The following CDH13 variants were observed in gnomAD, a reference collection of about 807,000 sequenced individuals.
CDH13 encodes cadherin 13, also known as cadherin-13.
CDH13 carries 24 observed loss-of-function variants against 63.8 expected under a neutral mutation model. The observed-to-expected ratio is 0.38, with a 90% confidence interval of 0.27 to 0.53. CDH13 has a LOEUF of 0.53. Among genes scored for constraint, CDH13 ranks in the 20% least tolerant of loss-of-function variants. CDH13 has a pLI of 0.85. For missense variants in CDH13, 1,049 were observed against 903.1 expected (o/e 1.16, Z -2.07); for synonymous variants, 503 against 355.3 (o/e 1.42, Z -4.67).
intron 3 of CDH13, among the ~76,000 whole-genome samples, chr16:83,104,753 G>T (rs1035724034): frequency 6.6e-6 from 1 of 152,156 alleles, no homozygotes; most frequent in Non-Finnish European, 1.5e-5. Context: ...AATTGACTTT[G>T]GTGGTTAGTG....
chr16:83,353,843 G>T (rs972297092), intron 6 of CDH13, among the ~76,000 whole-genome samples: 10 of 152,076 alleles, frequency 6.6e-5, no homozygotes, highest in African/African-American at 2.4e-4. Context: ...TTACTTCCTT[G>T]TAAAAATAAA....
At chr16:82,877,924 GACACACACAC>G (rs1213536997) in intron 2 of CDH13, among the ~76,000 whole-genome samples, 24 of 129,362 alleles carry the variant, frequency 1.9e-4, no homozygotes, top group African/African-American at 5.9e-4. Context: ...CATACACATA[GACACACACAC>G]ACACACACAC....
intron 4 of CDH13, among the ~76,000 whole-genome samples, chr16:83,176,130 G>A (rs536769575): frequency 1.2e-4 from 18 of 151,692 alleles, no homozygotes; most frequent in Non-Finnish European, 2.2e-4. Flanking sequence ...GATTACAGGC[G>A]TGAGCTACCA....
rs141836139 is a variant in CDH13, at chr16:82,906,717, G to A, written c.157+48244G>A. Among the ~76,000 whole-genome samples, 568 of 152,158 alleles carry A rather than the reference G, an allele frequency of 3.7e-3. 3 individuals are homozygous for A. Among genetic ancestry groups the A allele is most frequent in the African/African-American group, 0.013 (537 of 41,512 alleles). On this transcript the variant is annotated intron_variant, in intron 2 of 13. Transcript: ENST00000567109. ...GTTAGAATTCCATATTCATGGTTTC[G>A]GCAGGGCTGTACTCCCTCCGAAGGC...
At chr16:83,676,324 G>A (rs1296815226) in intron 9 of CDH13, among the ~76,000 whole-genome samples, 2 of 152,168 alleles carry the variant, frequency 1.3e-5, no homozygotes, top group Non-Finnish European at 2.9e-5. Flanking sequence ...GGTGTGGGGT[G>A]GAAATGGCCC....
chr16:83,745,525 G>A (rs1427017365), intron 10 of CDH13, among the ~76,000 whole-genome samples: 2 of 152,208 alleles, frequency 1.3e-5, no homozygotes, highest in Non-Finnish European at 2.9e-5. Context: ...ATGGTGGCCA[G>A]GCGAGGGTGG....
At chr16:83,421,167 TG>T (rs141846217) in intron 6 of CDH13, among the ~76,000 whole-genome samples, 2,680 of 152,228 alleles carry the variant, frequency 0.018, 88 homozygotes, top group African/African-American at 0.061. Context: ...GAGGAGAAAG[TG>T]GCATAAGTCT....
At chr16:83,501,342 G>T (rs967060392) in intron 7 of CDH13, among the ~76,000 whole-genome samples, 1 of 152,132 alleles carries the variant, frequency 6.6e-6, no homozygotes, top group African/African-American at 2.4e-5. Context: ...TTTCTCTCCC[G>T]TGTCTTCTAA....
At position 83,380,322 on chromosome 16, in the gene CDH13, G is replaced by T. The variant is rs186543672; in HGVS notation, c.781+35316G>T. ...ATACTATTGTTCTTTGTGCTTTTCTGTGTTTTCTTAAAATTCCCAAAATAT... is the reference window on the plus strand; with the variant it reads ...ATACTATTGTTCTTTGTGCTTTTCTTTGTTTTCTTAAAATTCCCAAAATAT... On this transcript the variant is annotated intron_variant, in intron 6 of 13. Coordinates refer to ENST00000567109, the MANE Select transcript of CDH13 (RefSeq NM_001257.5). Among the ~76,000 whole-genome samples the T allele has an allele frequency of 1.6e-3, 240 of 152,228 alleles. 3 individuals carry two copies. Among genetic ancestry groups the T allele is most frequent in the African/African-American group, 5.2e-3 (216 of 41,530 alleles).
At chr16:83,692,168 TC>T (rs1289192020) in intron 10 of CDH13, among the ~76,000 whole-genome samples, 11 of 152,204 alleles carry the variant, frequency 7.2e-5, no homozygotes, top group African/African-American at 2.7e-4. Context: ...CTCTCCAACT[TC>T]TGTTTTTCAG....
In CDH13 at chr16:83,464,369, G is replaced by A. The variant is rs544166217; in HGVS notation, c.782-22108G>A. Among the ~76,000 whole-genome samples the A allele has an allele frequency of 3.6e-4, 55 of 152,096 alleles. 1 individual carries two copies. The highest frequency in any genetic ancestry group is 1.2e-3 in the African/African-American group (50 of 41,518). On this transcript the variant is annotated intron_variant, in intron 6 of 13. Transcript: ENST00000567109. Reference sequence around the variant, plus strand: ...CTTTACTAAAAATACAAAATGAGCCGGGCGTGATGGCACATCCCTGTAATC... The same window carrying A: ...CTTTACTAAAAATACAAAATGAGCCAGGCGTGATGGCACATCCCTGTAATC...
At chr16:83,437,311 A>C (rs1315005958) in intron 6 of CDH13, among the ~76,000 whole-genome samples, 3 of 152,204 alleles carry the variant, frequency 2.0e-5, no homozygotes, top group Non-Finnish European at 4.4e-5. Flanking sequence ...TAAATATGAA[A>C]TGAATTAATA....
At chr16:82,885,084 G>A (rs2040836069) in intron 2 of CDH13, among the ~76,000 whole-genome samples, 1 of 152,170 alleles carries the variant, frequency 6.6e-6, no homozygotes, top group African/African-American at 2.4e-5. Flanking sequence ...AAGAGAAGGG[G>A]ATGTTGTTCA....
chr16:82,657,962 A>G (rs1203122556), intron 1 of CDH13, among the ~76,000 whole-genome samples: 2 of 152,324 alleles, frequency 1.3e-5, no homozygotes, highest in East Asian at 1.9e-4. Context: ...TTGAAAAACA[A>G]TGGTAAGAGG....
chr16:83,050,643 G>T (rs551311337), intron 3 of CDH13, among the ~76,000 whole-genome samples: 1 of 152,050 alleles, frequency 6.6e-6, no homozygotes, highest in African/African-American at 2.4e-5. Context: ...CTCTTCTTCA[G>T]CATGTCTCCA....
At chr16:83,424,164 G>GA (rs2071812399) in intron 6 of CDH13, among the ~76,000 whole-genome samples, 1 of 151,722 alleles carries the variant, frequency 6.6e-6, no homozygotes, top group Non-Finnish European at 1.5e-5. Context: ...GAAAAGTCTA[G>GA]AAGAGGGAAA....
intron 7 of CDH13, among the ~76,000 whole-genome samples, chr16:83,501,802 C>G (rs1352958591): frequency 6.6e-6 from 1 of 152,228 alleles, no homozygotes; most frequent in Non-Finnish European, 1.5e-5. Context: ...TGACAGATGT[C>G]TCAAGGACAA....
rs557278974 is a variant in CDH13, at chr16:83,070,814, T to C, written c.366+38596T>C. ...AAAGGAGTTGTCTTAAGCAATAGTA[T>C]ATAAATCAGGCAGGGTTAGGTTATA... On this transcript the variant is annotated intron_variant, in intron 3 of 13. Coordinates refer to ENST00000567109, the MANE Select transcript of CDH13 (RefSeq NM_001257.5). Among the ~76,000 whole-genome samples the C allele has an allele frequency of 5.3e-5, 8 of 150,050 alleles. No homozygotes were observed. In the South Asian group the frequency reaches 8.4e-4, roughly 16 times the overall value.
chr16:83,700,129 C>G (rs1333838059), intron 10 of CDH13, among the ~76,000 whole-genome samples: 1 of 152,168 alleles, frequency 6.6e-6, no homozygotes, highest in African/African-American at 2.4e-5. Context: ...TGCCTTCTGT[C>G]ATTGTAGATT....
Sources: allele counts gnomAD v4.1 joint callset (sites outside exome capture counted in the v4.1 genomes callset), GRCh38; gene constraint gnomAD v4.1.1; transcripts MANE v1.5; gene names NCBI Gene and HGNC (gene_info 2026-07-23, HGNC 2026-07-21).